Variants in ANKS1B observed in about 807,000 individuals in gnomAD.
ANKS1B encodes the protein ankyrin repeat and sterile alpha motif domain-containing protein 1B.
A neutral mutation model predicts 148.3 loss-of-function variants in ANKS1B; 36 were observed. The observed-to-expected ratio is 0.24, with a 90% confidence interval of 0.19 to 0.32. The LOEUF is 0.32. ANKS1B is among the 10% of genes least tolerant of loss of function. The pLI is 1.00. For missense variants in ANKS1B, 1,157 were observed against 1,542.6 expected (o/e 0.75, Z 4.19); for synonymous variants, 542 against 560.8 (o/e 0.97, Z 0.47).
intron 17 of ANKS1B, among the ~76,000 whole-genome samples, chr12:99,041,902 G>C (rs1322812794): frequency 2.0e-5 from 3 of 152,092 alleles, no homozygotes; most frequent in Non-Finnish European, 2.9e-5. Context: ...TTGGGAGGCT[G>C]AGAAGGGAGC....
intron 17 of ANKS1B, among the ~76,000 whole-genome samples, chr12:98,970,294 T>G (rs2099882087): frequency 6.6e-6 from 1 of 152,256 alleles, no homozygotes; most frequent in East Asian, 1.9e-4. Context: ...ACACCTCTTC[T>G]TATACTTGAT....
intron 11 of ANKS1B, among the ~76,000 whole-genome samples, chr12:99,435,796 T>C (rs1157290168): frequency 6.6e-6 from 1 of 151,978 alleles, no homozygotes; most frequent in Non-Finnish European, 1.5e-5. Context: ...CCATAGCCTA[T>C]CCAAGAACAC....
chr12:98,887,339 C>G (rs2099742362), intron 17 of ANKS1B, among the ~76,000 whole-genome samples: 1 of 152,114 alleles, frequency 6.6e-6, no homozygotes, highest in Admixed American at 6.5e-5. Flanking sequence ...TTGCGTTTTC[C>G]CATGCCCTGG....
chr12:98,896,490 T>C (rs1283923538), intron 17 of ANKS1B, among the ~76,000 whole-genome samples: 2 of 152,200 alleles, frequency 1.3e-5, no homozygotes, highest in African/African-American at 4.8e-5. Context: ...GAACATTCTT[T>C]TCCTTAAACA....
intron 9 of ANKS1B, among the ~76,000 whole-genome samples, chr12:99,540,162 A>C (rs2097111305): frequency 6.6e-6 from 1 of 152,148 alleles, no homozygotes; most frequent in Admixed American, 6.6e-5. Context: ...CAAAACATGA[A>C]ACAAAAAGTA....
At chr12:99,136,575 T>C (rs145096384) in intron 15 of ANKS1B, among the ~76,000 whole-genome samples, 1 of 152,330 alleles carries the variant, frequency 6.6e-6, no homozygotes, top group Non-Finnish European at 1.5e-5. Flanking sequence ...GAAGAGATGA[T>C]AGTATTGACA....
chr12:98,841,522 T>A (rs1278907254), intron 17 of ANKS1B, among the ~76,000 whole-genome samples: 1 of 152,184 alleles, frequency 6.6e-6, no homozygotes, highest in African/African-American at 2.4e-5. Flanking sequence ...GCAGCTCTGA[T>A]AAAAGGGTTT....
intron 8 of ANKS1B, among the ~76,000 whole-genome samples, chr12:99,672,483 C>T (rs2098542548): frequency 6.6e-6 from 1 of 152,140 alleles, no homozygotes; most frequent in Non-Finnish European, 1.5e-5. Context: ...CCAGGGAATG[C>T]CATCCTGTCA....
intron 25 of ANKS1B, among the ~76,000 whole-genome samples, chr12:98,754,686 AG>A (rs775698847): frequency 3.9e-5 from 6 of 152,248 alleles, no homozygotes; most frequent in Non-Finnish European, 7.3e-5. Flanking sequence ...TTAAAGCTCC[AG>A]GATCTTCAAA....
intron 19 of ANKS1B, among the ~76,000 whole-genome samples, chr12:98,823,676 G>A (rs1276176559): frequency 6.6e-6 from 1 of 152,232 alleles, no homozygotes; most frequent in African/African-American, 2.4e-5. Context: ...GTCTTTAGTA[G>A]AGACGGGGTT....
At position 99,886,602 on chromosome 12, in the gene ANKS1B, C is replaced by T. The variant is rs78164368; in HGVS notation, c.135-61213G>A. Among the ~76,000 whole-genome samples the T allele has an allele frequency of 1.7e-3, 256 of 152,176 alleles. 9 individuals carry two copies. The East Asian group carries it at 0.041, about 24-fold the overall frequency. ...ATCAACAAAGTTTCTTAGCAAATGTCCATCAAAAGATAACAAATAATAGAT... is the reference window on the plus strand; with the variant it reads ...ATCAACAAAGTTTCTTAGCAAATGTTCATCAAAAGATAACAAATAATAGAT... On this transcript the variant is annotated intron_variant, in intron 1 of 26. Coordinates refer to ENST00000683438, the MANE Select transcript of ANKS1B (RefSeq NM_001352186.2).
chr12:98,899,965 T>C (rs2099769906), intron 17 of ANKS1B, among the ~76,000 whole-genome samples: 1 of 152,222 alleles, frequency 6.6e-6, no homozygotes, highest in Admixed American at 6.5e-5. Flanking sequence ...AGGGATTTAA[T>C]GTTTTAGTAA....
At chr12:98,809,075 C>A (rs969512362) in intron 19 of ANKS1B, among the ~76,000 whole-genome samples, 1 of 152,230 alleles carries the variant, frequency 6.6e-6, no homozygotes, top group African/African-American at 2.4e-5. Flanking sequence ...CATCTCCACA[C>A]ACCCCTACAC....
chr12:99,754,723 C>T (rs959725901), intron 8 of ANKS1B, among the ~76,000 whole-genome samples: 2 of 152,110 alleles, frequency 1.3e-5, no homozygotes, highest in Non-Finnish European at 2.9e-5. Context: ...TACATGCAAA[C>T]TGAATAACCT....
intron 9 of ANKS1B, among the ~76,000 whole-genome samples, chr12:99,608,085 C>T (rs2097864251): frequency 6.6e-6 from 1 of 152,036 alleles, no homozygotes; most frequent in African/African-American, 2.4e-5. Flanking sequence ...GAGGTAAAAG[C>T]CTAAGAGGAC....
chr12:99,627,885 A>AATCCTT (rs2098125056), intron 9 of ANKS1B, among the ~76,000 whole-genome samples: 1 of 152,178 alleles, frequency 6.6e-6, no homozygotes, highest in African/African-American at 2.4e-5. Context: ...AAGTTTATAA[A>AATCCTT]ATTAATAGTT....
intron 17 of ANKS1B, among the ~76,000 whole-genome samples, chr12:98,884,151 C>T (rs910652625): frequency 1.4e-4 from 21 of 152,122 alleles, no homozygotes; most frequent in African/African-American, 3.6e-4. Context: ...AATAGCTAAA[C>T]GCAAGTCAAA....
intron 14 of ANKS1B, among the ~76,000 whole-genome samples, chr12:99,179,939 T>C (rs755308084): frequency 6.6e-6 from 1 of 152,216 alleles, no homozygotes; most frequent in Non-Finnish European, 1.5e-5. Flanking sequence ...CCCAACTGCA[T>C]TTATAATAAA....
Position 99,772,975 on chromosome 12 carries a change from T to A in ANKS1B, c.1075A>T (p.Asn359Tyr). The A allele has an allele frequency of 1.9e-6, 3 of 1,612,204 alleles. No homozygotes were observed. Among genetic ancestry groups the A allele is most frequent in the Non-Finnish European group, 2.5e-6 (3 of 1,178,956 alleles). ...CHTISDHYLDNLSKISEEELG... is the reference protein window; with the variant it reads ...CHTISDHYLDYLSKISEEELG... ...TCTTCCTCTGAAATCTTGCTCAAAT[T>A]ATCTAAGTAGTGGTCTGATATTGTG... Residue 359 changes from asparagine (N) to tyrosine (Y), a missense_variant, in exon 8 of 27, where the codon AAT becomes TAT. Transcript: ENST00000683438.
Sources: allele counts gnomAD v4.1 joint callset (sites outside exome capture counted in the v4.1 genomes callset), GRCh38; gene constraint gnomAD v4.1.1; transcripts MANE v1.5; gene names NCBI Gene and HGNC (gene_info 2026-07-23, HGNC 2026-07-21).